Variants in AP1G2 observed in about 807,000 individuals in gnomAD.
AP1G2 encodes adaptor related protein complex 1 subunit gamma 2, also known as AP-1 complex subunit gamma-like 2.
Under a neutral mutation model 95.8 loss-of-function variants are expected in AP1G2, and 85 were observed. The observed-to-expected ratio is 0.89, with a 90% CI of 0.74 to 1.06. The LOEUF (loss-of-function observed/expected upper bound fraction) is 1.06, where lower values mean the gene tolerates loss of function less well. Among genes scored for constraint, AP1G2 ranks in the 50% least tolerant of loss-of-function variants. The pLI, the probability that AP1G2 is intolerant of heterozygous loss-of-function variation, is 0.00. For missense variants in AP1G2, 967 were observed against 1,005.8 expected, an observed-to-expected ratio of 0.96 and a Z score of 0.52; for synonymous variants, 378 against 400.0, an observed-to-expected ratio of 0.94 and a Z score of 0.66.
In AP1G2 at chr14:23,565,833, G is replaced by A; in HGVS notation, c.628C>T (p.Leu210Phe). ...CAGCCCACCTTTCGGAAGTGCCTGA[G>A]GGCTGCAGGGCTTCGTTCGCAGAGC... ...TELCERSPAA[L>F]RHFRKVVPQL... The change falls in exon 6 of 22, where the codon CTC becomes TTC. Residue 210 changes from leucine to phenylalanine, a missense_variant. Leu to Phe is a conservative substitution (Grantham distance 22). Coordinates refer to ENST00000397120, the MANE Select transcript of AP1G2 (RefSeq NM_003917.5). The A allele has an allele frequency of 1.3e-6, 2 of 1,577,282 alleles. No homozygotes were observed. Among genetic ancestry groups the A allele is most frequent in the Non-Finnish European group, 1.7e-6 (2 of 1,161,254 alleles).
Position 23,563,819 on chromosome 14 carries a change from A to C in AP1G2, c.1129T>G (p.Ser377Ala), listed in dbSNP as rs747850087. ...TCTTGCATCATGGCTCGCACATTGG[A>C]GCTATTTACCAGAGCCAGGCTTAGT... ...LELSLALVNS[S>A]NVRAMMQELQ... is the part of the protein sequence containing the mutation. Residue 377 changes from serine to alanine, a missense_variant, in exon 12 of 22, where the codon TCC (serine) becomes GCC (alanine). Transcript: ENST00000397120. The C allele has an allele frequency of 6.2e-7, 1 of 1,613,964 alleles. No homozygotes were observed. The highest frequency in any genetic ancestry group is 8.5e-7 in the Non-Finnish European group (1 of 1,179,992).
At chr14:23,562,214 T>A (rs1885208808) in intron 16 of AP1G2, 74 bp downstream of exon 16, 1 of 1,603,060 alleles carries the variant, frequency 6.2e-7, no homozygotes, top group African/African-American at 1.3e-5. Flanking sequence ...TGGGCATGTA[T>A]GCCTGGAAAG....
At position 23,560,356 on chromosome 14, in the gene AP1G2, G is replaced by C; in HGVS notation, c.2056C>G (p.Arg686Gly). ...EGVQLNLSFI[R>G]PPENPALLLI... ...AGCAAAGCAGGGTTTTCAGGGGGTC[G>C]AATGAAAGACAGATTCAGCTGTACT... Residue 686 changes from arginine to glycine, a missense_variant, in exon 20 of 22, where the codon CGA (arginine) becomes GGA (glycine). Arg to Gly is a moderately radical substitution (Grantham distance 125). Coordinates refer to ENST00000397120, the MANE Select transcript of AP1G2 (RefSeq NM_003917.5). The C allele has an allele frequency of 2.5e-6, 4 of 1,614,070 alleles. No homozygotes were observed. Among genetic ancestry groups the C allele is most frequent in the Non-Finnish European group, 3.4e-6 (4 of 1,180,006 alleles).
At position 23,565,181 on chromosome 14, in the gene AP1G2, G is replaced by C. The variant is rs1887178957; in HGVS notation, c.760C>G (p.Leu254Val). 2.5e-6 allele frequency: 4 copies of C among 1,614,088 alleles called. No individual in the cohort carries two copies. In the African/African-American group the frequency reaches 5.3e-5, roughly 22 times the overall value. ...TCGTGGTTCCGGCCCAGGATCCGAA[G>C]CAGACGAAGTATCTGGACCTGAGGT... Reference protein sequence around the residue: ...PFLQVQILRLLRILGRNHEES... With the variant: ...PFLQVQILRLVRILGRNHEES... The change falls in exon 8 of 22, where the codon CTT (leucine) becomes GTT (valine). Residue 254 changes from leucine to valine, a missense_variant. Coordinates refer to ENST00000397120, the MANE Select transcript of AP1G2 (RefSeq NM_003917.5).
Position 23,567,689 on chromosome 14 carries a change from G to T in AP1G2, c.-6+50C>A. On this transcript the variant is annotated intron_variant, in intron 1 of 21. Transcript: ENST00000397120. The surrounding 1 kb of genome is among the most constrained non-coding windows in gnomAD (Gnocchi z 5.3). ...CTTCCTCCCCCGATTTCCATCTCAG[G>T]CAGCGGCAGCGGCAGCGACAGCCTG... 9.7e-7 allele frequency: 1 copy of T among 1,031,596 alleles called. No individual in the cohort carries two copies. The highest frequency in any genetic ancestry group is 1.2e-6 in the Non-Finnish European group (1 of 859,224). The allele number at this position is 1,031,596 out of a possible 1,614,324, so 63.9% of individuals were successfully genotyped here.
chr14:23,562,053 C>G lies in AP1G2; in HGVS notation c.1642G>C (p.Val548Leu). 6.2e-7 allele frequency: 1 copy of G among 1,613,616 alleles called. No individual in the cohort carries two copies. The highest frequency in any genetic ancestry group is 8.5e-7 in the Non-Finnish European group (1 of 1,179,866). ...LCGDNNRIRQVVSIYGSCLDV... is the reference protein window; with the variant it reads ...LCGDNNRIRQLVSIYGSCLDV... ...AAGCAGCTCCCGTAGATGGACACCA[C>G]CTGGCGGATGCGGCTGGGCCAGTGT... The change falls in exon 17 of 22, where the codon GTG becomes CTG. Residue 548 changes from valine to leucine, a missense_variant. Transcript: ENST00000397120.
chr14:23,565,980 T>C lies in AP1G2; in HGVS notation c.568+84A>G, dbSNP rs546745214. On this transcript the variant is annotated intron_variant, in intron 5 of 21. Transcript: ENST00000397120. ...TGCCTGTGTGTGTGCACTACCCTTC[T>C]CCTGTGAGCTGGGGTTCCCATCCGA... 1.1e-4 allele frequency: 173 copies of C among 1,611,808 alleles called. No individual in the cohort carries two copies. The African/African-American group carries it at 1.5e-3, about 14-fold the overall frequency.
intron 8 of AP1G2, 130 bp downstream of exon 8, chr14:23,564,989 G>T: frequency 1.2e-6 from 1 of 866,226 alleles, no homozygotes; most frequent in Non-Finnish European, 1.9e-6. Flanking sequence ...CTTCTTCATG[G>T]AGTTCACTGT....
Position 23,561,531 on chromosome 14 carries a change from GGGGCTGCTTCTGAAAGCT to G in AP1G2, c.1820_1837del (p.Gln607_Ala612del), listed in dbSNP as rs779535157. The G allele has an allele frequency of 5.0e-6, 8 of 1,614,066 alleles. No individual in the cohort carries two copies. The East Asian group carries it at 1.3e-4, about 27-fold the overall frequency. On this transcript the variant is annotated inframe_deletion, in exon 18 of 22. Coordinates refer to ENST00000397120, the MANE Select transcript of AP1G2 (RefSeq NM_003917.5). ...TCTCACCTGGGGCTCTGTGGGCACT[GGGGCTGCTTCTGAAAGCT>G]GGGCTGCTTCTTTGCTTTCCTTTGC...
chr14:23,559,723 G>C lies in AP1G2; in HGVS notation c.*26C>G. 6.2e-7 allele frequency: 1 copy of C among 1,611,200 alleles called. No individual in the cohort carries two copies. Among genetic ancestry groups the C allele is most frequent in the Non-Finnish European group, 8.5e-7 (1 of 1,178,040 alleles). On this transcript the variant is annotated 3_prime_UTR_variant, in exon 22 of 22. Coordinates refer to ENST00000397120, the MANE Select transcript of AP1G2 (RefSeq NM_003917.5). ...GCCCCCTGGGGTTTGGGACACAGGA[G>C]AATTTCAGGCTGTGAGTGGAGACAG...
intron 16 of AP1G2, 49 bp downstream of exon 16, chr14:23,562,239 G>A (rs778637630): frequency 6.2e-7 from 1 of 1,609,872 alleles, no homozygotes; most frequent in Non-Finnish European, 8.5e-7. Flanking sequence ...TCAAAAATGG[G>A]TGGACCCAGT....
Position 23,566,324 on chromosome 14 carries a change from T to G in AP1G2, c.425A>C (p.Glu142Ala), listed in dbSNP as rs1157336440. 6.2e-7 allele frequency: 1 copy of G among 1,613,858 alleles called. No individual in the cohort carries two copies. Among genetic ancestry groups the G allele is most frequent in the Non-Finnish European group, 8.5e-7 (1 of 1,180,020 alleles). ...GGGCTGCAGGAGCAGTTTCTCCACC[T>G]CTGGGGCCAGGTCTCGGCACATCTC... ...SAEMCRDLAP[E>A]VEKLLLQPSP... Residue 142 changes from glutamate (E) to alanine (A), a missense_variant, in exon 4 of 22, where the codon GAG becomes GCG. Physicochemically the swap from Glu to Ala is moderately radical, Grantham distance 107. Coordinates refer to ENST00000397120, the MANE Select transcript of AP1G2 (RefSeq NM_003917.5).
Position 23,565,906 on chromosome 14 carries a change from C to G in AP1G2, c.569-14G>C. The G allele has an allele frequency of 6.3e-7, 1 of 1,596,284 alleles. No individual in the cohort carries two copies. Among genetic ancestry groups the G allele is most frequent in the African/African-American group, 1.3e-5 (1 of 74,854 alleles). ...CCAGCAGGATGCCTGGGGTCAGCGT[C>G]GGGGAAGTGAATGGTGGGGGCCAGG... On this transcript the variant is annotated splice_polypyrimidine_tract_variant and intron_variant, in intron 5 of 21. Coordinates refer to ENST00000397120, the MANE Select transcript of AP1G2 (RefSeq NM_003917.5).
rs1254623779 is a variant in AP1G2, at chr14:23,564,124, T to G, written c.1013A>C (p.Gln338Pro). 5 of 1,614,194 alleles carry G rather than the reference T, an allele frequency of 3.1e-6. No individual in the cohort carries two copies. In the South Asian group the frequency reaches 5.5e-5, roughly 18 times the overall value. ...VALTSLLRLV[Q>P]SDHSAVQRHR... ...CCGCTGCACAGCACTGTGATCAGACTGCACCAGTCGAAGCAGTGATGTCAG... is the reference window on the plus strand; with the variant it reads ...CCGCTGCACAGCACTGTGATCAGACGGCACCAGTCGAAGCAGTGATGTCAG... Residue 338 changes from glutamine to proline, a missense_variant, in exon 11 of 22, where the codon CAG becomes CCG. Gln to Pro is a moderately conservative substitution (Grantham distance 76). Transcript: ENST00000397120.
chr14:23,567,525 C>A lies in AP1G2; in HGVS notation c.-5-206G>T. ...AGCCCACTACGCATGCGTCCGCACC[C>A]CACCGGCGCCCCTTCCTATTGAGCA... On this transcript the variant is annotated intron_variant, in intron 1 of 21. Coordinates refer to ENST00000397120, the MANE Select transcript of AP1G2 (RefSeq NM_003917.5). This position sits in a 1 kb window ranked among gnomAD's most constrained non-coding sequence, Gnocchi z 5.3. 2.2e-6 allele frequency: 3 copies of A among 1,359,614 alleles called. No individual in the cohort carries two copies. Among genetic ancestry groups the A allele is most frequent in the Non-Finnish European group, 2.8e-6 (3 of 1,064,330 alleles). The allele number at this position is 1,359,614 out of a possible 1,614,324, so 84.2% of individuals were successfully genotyped here.
Position 23,564,096 on chromosome 14 carries a change from A to C in AP1G2, c.1041T>G (p.His347Gln), listed in dbSNP as rs374474478. 8 of 1,614,188 alleles carry C rather than the reference A, an allele frequency of 5.0e-6. No homozygotes were observed. The highest frequency in any genetic ancestry group is 2.2e-5 in the East Asian group (1 of 44,880). The change falls in exon 11 of 22, where the codon CAT (histidine) becomes CAG (glutamine). Residue 347 changes from histidine (H) to glutamine (Q), a missense_variant. By Grantham distance (24) the His-to-Gln change is conservative. Coordinates refer to ENST00000397120, the MANE Select transcript of AP1G2 (RefSeq NM_003917.5). ...GTAGACATTCCACCACAGTGGGCCG[A>C]TGCCGCTGCACAGCACTGTGATCAG... is the stretch of plus-strand genomic sequence containing the variant. ...VQSDHSAVQRHRPTVVECLRE... is the reference protein window; with the variant it reads ...VQSDHSAVQRQRPTVVECLRE...
chr14:23,566,169 G>T lies in AP1G2; in HGVS notation c.472-9C>A. On this transcript the variant is annotated splice_polypyrimidine_tract_variant and intron_variant, in intron 4 of 21. Coordinates refer to ENST00000397120, the MANE Select transcript of AP1G2 (RefSeq NM_003917.5). ...ACTGCAGTCAGAATAGCCTGCAGAG[G>T]TCAGGGGCCTCAGACAGGGGTCAGA... The T allele has an allele frequency of 6.3e-7, 1 of 1,597,020 alleles. No individual in the cohort carries two copies. Among genetic ancestry groups the T allele is most frequent in the South Asian group, 1.1e-5 (1 of 88,478 alleles).
In AP1G2 at chr14:23,567,632, T is replaced by G. The variant is rs1403102765; in HGVS notation, c.-6+107A>C. Reference sequence around the variant, plus strand: ...ATCCCTAGCTCAGCCATTGCTTTTTTTTCCACGACCCTCCGCTGTTTCTTC... The same window carrying G: ...ATCCCTAGCTCAGCCATTGCTTTTTGTTCCACGACCCTCCGCTGTTTCTTC... On this transcript the variant is annotated intron_variant, in intron 1 of 21. Coordinates refer to ENST00000397120, the MANE Select transcript of AP1G2 (RefSeq NM_003917.5). This position sits in a 1 kb window ranked among gnomAD's most constrained non-coding sequence, Gnocchi z 5.3. 1 of 1,132,062 alleles carries G rather than the reference T, an allele frequency of 8.8e-7. No homozygotes were observed. Among genetic ancestry groups the G allele is most frequent in the Non-Finnish European group, 1.1e-6 (1 of 922,426 alleles). The allele number at this position is 1,132,062 out of a possible 1,614,324, so 70.1% of individuals were successfully genotyped here.
chr14:23,567,760 C>T lies in AP1G2; in HGVS notation c.-27G>A. ...TCACCTGGCTTCTGCCTCAACTCCG[C>T]TCCTCTGCCCCCCAGCGCTTCCTGG... On this transcript the variant is annotated 5_prime_UTR_variant, in exon 1 of 22. Transcript: ENST00000397120. The surrounding 1 kb of genome is among the most constrained non-coding windows in gnomAD (Gnocchi z 5.3). The T allele has an allele frequency of 1.4e-5, 14 of 1,006,504 alleles. No individual in the cohort carries two copies. The highest frequency in any genetic ancestry group is 1.5e-5 in the Non-Finnish European group (13 of 843,240). The allele number at this position is 1,006,504 out of a possible 1,614,324, so 62.3% of individuals were successfully genotyped here. A position where few individuals can be genotyped will look rare whatever the true frequency, so the allele number is the denominator to read the frequency against.
Sources: allele counts gnomAD v4.1 joint callset, GRCh38; gene constraint gnomAD v4.1.1; non-coding constraint Gnocchi (gnomAD v3.1); transcripts MANE v1.5; gene names NCBI Gene and HGNC (gene_info 2026-07-23, HGNC 2026-07-21).